ANK3: variants seen among roughly 807,000 people sequenced by gnomAD.
ANK3 encodes ankyrin-3.
Under a neutral mutation model 370.9 loss-of-function variants are expected in ANK3, and 57 were observed. The ratio of observed to expected loss-of-function variants is 0.15; its 90% confidence interval spans 0.12 to 0.19. ANK3 has a LOEUF of 0.19. Ranked by LOEUF, ANK3 falls within the 10% of genes least tolerant of loss-of-function variation. The pLI, the probability that ANK3 is intolerant of heterozygous loss-of-function variation, is 1.00. For missense variants in ANK3, 4,439 were observed against 5,302.1 expected, an observed-to-expected ratio of 0.84 and a Z score of 5.06; for synonymous variants, 1,929 against 1,946.3, an observed-to-expected ratio of 0.99 and a Z score of 0.23.
chr10:60,550,050 C>G (rs1218615485), intron 2 of ANK3, among the ~76,000 whole-genome samples: 1 of 151,970 alleles, frequency 6.6e-6, no homozygotes, highest in Non-Finnish European at 1.5e-5. Flanking sequence ...TAGAATAATT[C>G]AAACTGAAAG....
chr10:60,733,279 T>C, exon 1 of ANK3: 1 of 1,237,586 alleles, frequency 8.1e-7, no homozygotes, highest in Non-Finnish European at 1.0e-6. Context: ...AGGAGCGGAG[T>C]CCTCGGTGCC....
intron 43 of ANK3, among the ~76,000 whole-genome samples, chr10:60,038,356 T>C (rs1254399178): frequency 3.9e-5 from 6 of 152,316 alleles, no homozygotes; most frequent in South Asian, 2.1e-4. Context: ...GATATTGTGC[T>C]ACTGCACTCC....
intron 2 of ANK3, among the ~76,000 whole-genome samples, chr10:60,555,328 C>T (rs2077182886): frequency 6.6e-6 from 1 of 151,698 alleles, no homozygotes; most frequent in African/African-American, 2.4e-5. Flanking sequence ...TTAAAATTAG[C>T]TGGATGTGGT....
intron 2 of ANK3, among the ~76,000 whole-genome samples, chr10:60,400,344 C>A (rs574140398): frequency 6.6e-6 from 1 of 152,118 alleles, no homozygotes; most frequent in Non-Finnish European, 1.5e-5. Flanking sequence ...AATAAGAATG[C>A]TGATTCGGCT....
At chr10:60,341,113 T>C (rs2054188492) in intron 1 of ANK3, among the ~76,000 whole-genome samples, 2 of 152,206 alleles carry the variant, frequency 1.3e-5, no homozygotes, top group South Asian at 4.1e-4. Context: ...TCATTGATGC[T>C]GCTCCTGAGA....
At chr10:60,477,022 G>A (rs541822463) in intron 2 of ANK3, among the ~76,000 whole-genome samples, 11 of 152,148 alleles carry the variant, frequency 7.2e-5, no homozygotes, top group African/African-American at 2.6e-4. Context: ...AAATCTTCTA[G>A]AACACCCACC....
chr10:60,667,758 T>C (rs959797951), intron 1 of ANK3, among the ~76,000 whole-genome samples: 6 of 151,490 alleles, frequency 4.0e-5, no homozygotes, highest in Non-Finnish European at 5.9e-5. Flanking sequence ...TAGGTTTGTA[T>C]TGACATGTAA....
chr10:60,170,624 A>G (rs2095758958), intron 21 of ANK3, among the ~76,000 whole-genome samples: 1 of 152,152 alleles, frequency 6.6e-6, no homozygotes, highest in African/African-American at 2.4e-5. Context: ...TAGCATGCAT[A>G]GTGTCTTCTC....
intron 28 of ANK3, among the ~76,000 whole-genome samples, chr10:60,105,465 C>A (rs890109746): frequency 1.3e-5 from 2 of 152,016 alleles, no homozygotes; most frequent in Non-Finnish European, 2.9e-5. Context: ...CAAGAGAAAT[C>A]AAAAATTTAT....
chr10:60,494,847 T>G (rs1213776777), intron 2 of ANK3, among the ~76,000 whole-genome samples: 1 of 152,196 alleles, frequency 6.6e-6, no homozygotes, highest in Non-Finnish European at 1.5e-5. Flanking sequence ...GATGTAAATA[T>G]ATACTTATAG....
intron 2 of ANK3, among the ~76,000 whole-genome samples, chr10:60,562,112 C>T (rs538584803): frequency 1.0e-3 from 154 of 152,250 alleles, no homozygotes; most frequent in Non-Finnish European, 1.9e-3. Flanking sequence ...TGCATCATTA[C>T]GCTTATTTTA....
At chr10:60,167,042 G>A in intron 21 of ANK3, 146 bp from the exon 22 acceptor site, 2 of 720,642 alleles carry the variant, frequency 2.8e-6, no homozygotes, top group South Asian at 3.7e-5. Flanking sequence ...CATCAAAATT[G>A]TTGTCCCTTA....
intron 16 of ANK3, 29 bp from the exon 17 acceptor site, chr10:60,186,941 C>T (rs2096352375): frequency 5.6e-6 from 9 of 1,605,024 alleles, no homozygotes; most frequent in Non-Finnish European, 7.7e-6. Context: ...TGGTCACATG[C>T]CCAGGAACAA....
At chr10:60,581,962 T>A (rs1595314809) in intron 2 of ANK3, among the ~76,000 whole-genome samples, 2 of 152,140 alleles carry the variant, frequency 1.3e-5, no homozygotes, top group South Asian at 4.1e-4. Flanking sequence ...TGAGTTCATG[T>A]TATTTGCAGG....
At position 60,105,930 on chromosome 10, in the gene ANK3, G is replaced by T. The variant is rs202156231; in HGVS notation, c.3303C>A (p.Thr1101=). Residue 1101 remains threonine (T), a synonymous_variant, in exon 28 of 44, where the codon ACC becomes ACA. Coordinates refer to ENST00000280772, the MANE Select transcript of ANK3 (RefSeq NM_020987.5). ...HQFDSKNEDL[T]ELLNGMDEEL... is the part of the protein sequence containing the mutation. ...CTTCATCCATGCCATTAAGTAACTCGGTTAAATCTTCATTTTTGCTGTCAA... is the reference window on the plus strand; with the variant it reads ...CTTCATCCATGCCATTAAGTAACTCTGTTAAATCTTCATTTTTGCTGTCAA... 6.2e-7 allele frequency: 1 copy of T among 1,610,872 alleles called. No individual in the cohort carries two copies. Among genetic ancestry groups the T allele is most frequent in the African/African-American group, 1.3e-5 (1 of 74,784 alleles).
chr10:60,221,106 G>A (rs1342431711), intron 8 of ANK3, among the ~76,000 whole-genome samples: 1 of 147,308 alleles, frequency 6.8e-6, no homozygotes. Flanking sequence ...TTGAGATGGA[G>A]TCTCGCTTTA....
intron 16 of ANK3, among the ~76,000 whole-genome samples, chr10:60,188,978 G>T (rs1244393969): frequency 6.6e-6 from 1 of 152,168 alleles, no homozygotes; most frequent in African/African-American, 2.4e-5. Context: ...TAGTCAATGT[G>T]TCTAACACTA....
chr10:60,092,237 G>T (rs1194107253), intron 28 of ANK3, among the ~76,000 whole-genome samples: 14 of 152,054 alleles, frequency 9.2e-5, no homozygotes, highest in African/African-American at 2.9e-4. Context: ...GGGATGGGGG[G>T]TTGTTTTGTT....
At chr10:60,409,480 T>G (rs539520108) in intron 2 of ANK3, among the ~76,000 whole-genome samples, 44 of 152,338 alleles carry the variant, frequency 2.9e-4, no homozygotes, top group African/African-American at 1.0e-3. Context: ...CATAAAGAAG[T>G]TGGCTGATTC....
Sources: allele counts gnomAD v4.1 joint callset (sites outside exome capture counted in the v4.1 genomes callset), GRCh38; gene constraint gnomAD v4.1.1; transcripts MANE v1.5; gene names NCBI Gene and HGNC (gene_info 2026-07-23, HGNC 2026-07-21).